Variants in ATP10B observed in about 807,000 individuals in gnomAD.
ATP10B encodes ATPase phospholipid transporting 10B (putative).
ATP10B carries 122 observed loss-of-function variants against 141.2 expected under a neutral mutation model. The observed-to-expected ratio is 0.86, with a 90% CI of 0.75 to 1.00. ATP10B has a LOEUF of 1.00. ATP10B is among the 50% of genes least tolerant of loss of function. The pLI is 0.00. For synonymous variants in ATP10B, 685 were observed against 692.0 expected (o/e 0.99, Z 0.16); for missense variants, 1,876 against 1,825.3 (o/e 1.03, Z -0.51).
chr5:160,583,478 C>A (rs1365845316), intron 24 of ATP10B, among the ~76,000 whole-genome samples: 2 of 152,176 alleles, frequency 1.3e-5, no homozygotes, highest in African/African-American at 4.8e-5. Flanking sequence ...AGATGCCAGC[C>A]AGAACTTTCC....
intron 2 of ATP10B, among the ~76,000 whole-genome samples, chr5:160,756,669 T>C (rs554638851): frequency 3.2e-4 from 48 of 152,244 alleles, no homozygotes; most frequent in African/African-American, 1.1e-3. Context: ...ATTTTTTTGA[T>C]GTGTCTGTTC....
chr5:160,615,901 C>T lies in ATP10B; in HGVS notation c.2590G>A (p.Asp864Asn), dbSNP rs555165930. 1.0e-4 allele frequency: 164 copies of T among 1,613,898 alleles called. No individual in the cohort carries two copies. In the South Asian group the frequency reaches 1.5e-3, roughly 15 times the overall value. Reference sequence around the variant, plus strand: ...TCCATGAGAAGCTCATCTCGGTTGTCGAGGGATGCCTCAGCCTCACGCCGG... The same window carrying T: ...TCCATGAGAAGCTCATCTCGGTTGTTGAGGGATGCCTCAGCCTCACGCCGG... Reference protein sequence around the residue: ...SFRREAEASLDNRDELLMETA... With the variant: ...SFRREAEASLNNRDELLMETA... The change falls in exon 17 of 26, where the codon GAC (aspartate) becomes AAC (asparagine). Residue 864 changes from aspartate to asparagine, a missense_variant. Coordinates refer to ENST00000327245, the MANE Select transcript of ATP10B (RefSeq NM_025153.3).
the ATP10B span, among the ~76,000 whole-genome samples, chr5:160,925,010 A>G: frequency 6.6e-6 from 1 of 152,214 alleles, no homozygotes; most frequent in Non-Finnish European, 1.5e-5. Context: ...ATTTGCAACA[A>G]GACACTTCAC....
intron 2 of ATP10B, among the ~76,000 whole-genome samples, chr5:160,777,960 G>A (rs1170057767): frequency 2.2e-5 from 3 of 137,042 alleles, no homozygotes; most frequent in Non-Finnish European, 4.8e-5. Flanking sequence ...GAGACTGGGT[G>A]TATCACTTAG....
At chr5:160,782,130 G>A (rs1292428166) in intron 2 of ATP10B, among the ~76,000 whole-genome samples, 2 of 152,084 alleles carry the variant, frequency 1.3e-5, no homozygotes, top group African/African-American at 4.8e-5. Flanking sequence ...TTCCTTTCAG[G>A]AAATATTTTC....
chr5:160,903,325 A>T, the ATP10B span, among the ~76,000 whole-genome samples: 1 of 152,286 alleles, frequency 6.6e-6, no homozygotes, highest in South Asian at 2.1e-4. Context: ...GGTTGCAGAT[A>T]CCAGAGCTTG....
At chr5:160,884,595 TTTAGGCAGGCGTCA>T in the ATP10B span, among the ~76,000 whole-genome samples, 1 of 152,184 alleles carries the variant, frequency 6.6e-6, no homozygotes, top group Non-Finnish European at 1.5e-5. Flanking sequence ...AGCTCAGAGT[TTTAGGCAGGCGTCA>T]TTATTTATTT....
rs1754476886 is a variant in ATP10B at position 160,565,515 on chromosome 5, C to T, written c.4324G>A (p.Asp1442Asn). 6.2e-7 allele frequency: 1 copy of T among 1,614,114 alleles called. No homozygotes were observed. Among genetic ancestry groups the T allele is most frequent in the Non-Finnish European group, 8.5e-7 (1 of 1,179,980 alleles). Residue 1442 changes from aspartate to asparagine, a missense_variant, in exon 26 of 26, where the codon GAT becomes AAT. Coordinates refer to ENST00000327245, the MANE Select transcript of ATP10B (RefSeq NM_025153.3). ...CTCCTCTTTGAGCACCGGCACATATCAGTCTGTCCTCTTGAGTAGGCCATT... is the reference window on the plus strand; with the variant it reads ...CTCCTCTTTGAGCACCGGCACATATTAGTCTGTCCTCTTGAGTAGGCCATT... ...RIMAYSRGQT[D>N]MCRCSKRSSH...
chr5:160,610,319 C>T (rs2127636382), intron 18 of ATP10B, among the ~76,000 whole-genome samples: 1 of 152,298 alleles, frequency 6.6e-6, no homozygotes, highest in South Asian at 2.1e-4. Context: ...GAGTGAGAAA[C>T]TGAGGCCTGC....
At chr5:160,629,300 T>C (rs961915170) in intron 13 of ATP10B, among the ~76,000 whole-genome samples, 2 of 152,002 alleles carry the variant, frequency 1.3e-5, no homozygotes, top group Admixed American at 1.3e-4. Context: ...TGACACCAGC[T>C]AGATGTATTT....
chr5:160,731,378 G>A (rs1174384574), intron 2 of ATP10B, among the ~76,000 whole-genome samples: 1 of 152,166 alleles, frequency 6.6e-6, no homozygotes. Flanking sequence ...ATACTCTCTG[G>A]CAAGTGAACA....
At chr5:160,854,622 G>C (rs767115983), upstream of ATP10B, among the ~76,000 whole-genome samples, 24 of 152,092 alleles carry the variant, frequency 1.6e-4, no homozygotes, top group Admixed American at 1.0e-3. Flanking sequence ...GAACAGTGCT[G>C]TAATAAACAT....
chr5:160,848,171 G>C (rs993621500), intron 1 of ATP10B, among the ~76,000 whole-genome samples: 49 of 152,104 alleles, frequency 3.2e-4, no homozygotes, highest in African/African-American at 1.1e-3. Flanking sequence ...AGTCTTTACT[G>C]TCACATTACA....
intron 24 of ATP10B, among the ~76,000 whole-genome samples, chr5:160,575,463 A>G (rs553195204): frequency 2.0e-5 from 3 of 152,146 alleles, no homozygotes; most frequent in Admixed American, 6.5e-5. Flanking sequence ...CTCATTTTGT[A>G]TTTGTCTGAT....
In ATP10B at chr5:160,842,661, G is replaced by A. The variant is rs74481180; in HGVS notation, c.-576+9280C>T. On this transcript the variant is annotated intron_variant, in intron 1 of 25. Coordinates refer to ENST00000327245, the MANE Select transcript of ATP10B (RefSeq NM_025153.3). ...ACCATTGGAAGATATGAGCACATTT[G>A]TATCAATAAATTTAAAAATTTATTT... Among the ~76,000 whole-genome samples the A allele has an allele frequency of 7.3e-3, 1,103 of 152,014 alleles. 5 individuals are homozygous for A. Among genetic ancestry groups the A allele is most frequent in the Non-Finnish European group, 0.011 (721 of 67,958 alleles).
chr5:160,815,279 G>A (rs1055083238), intron 1 of ATP10B, among the ~76,000 whole-genome samples: 2 of 152,074 alleles, frequency 1.3e-5, no homozygotes, highest in African/African-American at 2.4e-5. Context: ...TCAAAATAAA[G>A]GGATGGAGAA....
chr5:160,906,696 C>T, the ATP10B span, among the ~76,000 whole-genome samples: 2 of 152,170 alleles, frequency 1.3e-5, no homozygotes, highest in Non-Finnish European at 2.9e-5. Flanking sequence ...CCACGGGGTA[C>T]AATTTTGCCC....
chr5:160,720,587 T>C (rs1321428375), intron 2 of ATP10B, among the ~76,000 whole-genome samples: 4 of 152,272 alleles, frequency 2.6e-5, no homozygotes, highest in African/African-American at 9.6e-5. Flanking sequence ...TGTTGTGTGA[T>C]ATAAAATATT....
the ATP10B span, among the ~76,000 whole-genome samples, chr5:160,924,177 A>T: frequency 1.3e-5 from 2 of 152,230 alleles, no homozygotes; most frequent in South Asian, 4.1e-4. Flanking sequence ...TTCAAGGATA[A>T]TCTGTAATGT....
Sources: allele counts gnomAD v4.1 joint callset (sites outside exome capture counted in the v4.1 genomes callset), GRCh38; gene constraint gnomAD v4.1.1; transcripts MANE v1.5; gene names NCBI Gene and HGNC (gene_info 2026-07-23, HGNC 2026-07-21).